The following CCDC85A variants were observed in gnomAD, a reference collection of about 807,000 sequenced individuals.
CCDC85A encodes coiled-coil domain containing 85A, also known as coiled-coil domain-containing protein 85A.
CCDC85A carries 38 observed loss-of-function variants against 50.2 expected under a neutral mutation model. The ratio of observed to expected loss-of-function variants is 0.76; its 90% confidence interval spans 0.58 to 0.99. The LOEUF (loss-of-function observed/expected upper bound fraction) is 0.99, where lower values mean the gene tolerates loss of function less well. CCDC85A is among the 50% of genes least tolerant of loss of function. The pLI is 0.00. For synonymous variants in CCDC85A, 366 were observed against 301.4 expected (o/e 1.21, Z -2.22); for missense variants, 820 against 742.0 (o/e 1.11, Z -1.22).
Position 56,342,930 on chromosome 2 carries a change from A to C in CCDC85A, c.1292A>C (p.Glu431Ala). 1.3e-6 allele frequency: 2 copies of C among 1,598,356 alleles called. No homozygotes were observed. The highest frequency in any genetic ancestry group is 1.7e-6 in the Non-Finnish European group (2 of 1,171,610). ...RQLEARVRQL[E>A]EENRMLPQAS... is the part of the protein sequence containing the mutation. The stretch of plus-strand genomic sequence containing the variant: ...CTGGAGGCAAGAGTAAGACAGCTGG[A>C]GGAAGAAAATCGCATGCTGCCCCAG... Residue 431 changes from glutamate (E) to alanine (A), a missense_variant, in exon 3 of 6, where the codon GAG (glutamate) becomes GCG (alanine). Transcript: ENST00000407595.
chr2:56,245,052 G>A (rs1669439496), intron 2 of CCDC85A, among the ~76,000 whole-genome samples: 1 of 152,172 alleles, frequency 6.6e-6, no homozygotes, highest in Non-Finnish European at 1.5e-5. Flanking sequence ...GGTGACAGAA[G>A]CACTCCCTTA....
chr2:56,324,478 C>G (rs1353507159), intron 2 of CCDC85A, among the ~76,000 whole-genome samples: 1 of 151,964 alleles, frequency 6.6e-6, no homozygotes, highest in East Asian at 1.9e-4. Context: ...TGGCCAGTCT[C>G]CCTCCACCTA....
At chr2:56,315,523 C>T (rs1181045929) in intron 2 of CCDC85A, among the ~76,000 whole-genome samples, 2 of 152,058 alleles carry the variant, frequency 1.3e-5, no homozygotes, top group East Asian at 3.9e-4. Context: ...CAACCAAATG[C>T]CCTCAAGTAA....
intron 2 of CCDC85A, among the ~76,000 whole-genome samples, chr2:56,195,231 T>G (rs959552037): frequency 1.3e-5 from 2 of 152,246 alleles, no homozygotes; most frequent in Admixed American, 1.3e-4. Context: ...TAAGAAAAGT[T>G]TTTAGATGCA....
chr2:56,323,853 A>T (rs1230889889), intron 2 of CCDC85A, among the ~76,000 whole-genome samples: 1 of 152,090 alleles, frequency 6.6e-6, no homozygotes, highest in Non-Finnish European at 1.5e-5. Flanking sequence ...CTTGATGATA[A>T]ATTGACTTCT....
At chr2:56,189,506 G>C (rs1315192069) in intron 1 of CCDC85A, among the ~76,000 whole-genome samples, 1 of 151,956 alleles carries the variant, frequency 6.6e-6, no homozygotes, top group African/African-American at 2.4e-5. Flanking sequence ...GGCCAGACTG[G>C]TCTTGAACTC....
chr2:56,306,047 G>C (rs1344800661), intron 2 of CCDC85A, among the ~76,000 whole-genome samples: 1 of 152,168 alleles, frequency 6.6e-6, no homozygotes, highest in Non-Finnish European at 1.5e-5. Flanking sequence ...ACTATGCTAA[G>C]TGTAATGGCT....
chr2:56,291,715 G>C (rs13384655), intron 2 of CCDC85A, among the ~76,000 whole-genome samples: 7 of 151,202 alleles, frequency 4.6e-5, no homozygotes. Flanking sequence ...GATAGAACAC[G>C]TAAGGCCCTG....
chr2:56,320,400 A>G (rs1193177150), intron 2 of CCDC85A, among the ~76,000 whole-genome samples: 1 of 152,180 alleles, frequency 6.6e-6, no homozygotes, highest in Admixed American at 6.5e-5. Flanking sequence ...TAGCAAGACT[A>G]ATAAAGAAGA....
At chr2:56,289,329 A>G (rs1671593399) in intron 2 of CCDC85A, among the ~76,000 whole-genome samples, 1 of 152,162 alleles carries the variant, frequency 6.6e-6, no homozygotes, top group Admixed American at 6.6e-5. Context: ...TGTCAAGAAA[A>G]TAGATCATCC....
intron 2 of CCDC85A, among the ~76,000 whole-genome samples, chr2:56,297,016 A>G (rs540905751): frequency 1.5e-4 from 23 of 152,156 alleles, no homozygotes; most frequent in Non-Finnish European, 2.8e-4. Context: ...TTTTTATTGT[A>G]TATCGGGGTT....
chr2:56,235,978 C>T (rs556609526), intron 2 of CCDC85A, among the ~76,000 whole-genome samples: 2 of 152,028 alleles, frequency 1.3e-5, no homozygotes, highest in South Asian at 4.1e-4. Flanking sequence ...AAGCCACCAA[C>T]TAGCAAGGGA....
At chr2:56,217,149 T>G (rs1300805610) in intron 2 of CCDC85A, among the ~76,000 whole-genome samples, 2 of 151,468 alleles carry the variant, frequency 1.3e-5, no homozygotes, top group South Asian at 4.1e-4. Flanking sequence ...AGGTTTAAGT[T>G]TTATCTATCT....
chr2:56,235,558 C>G (rs1668971536), intron 2 of CCDC85A, among the ~76,000 whole-genome samples: 1 of 151,954 alleles, frequency 6.6e-6, no homozygotes. Context: ...ATTTTCTTTT[C>G]AAACTTGGTG....
chr2:56,339,751 T>A (rs80237415), intron 2 of CCDC85A, among the ~76,000 whole-genome samples: 14,925 of 152,250 alleles, frequency 0.098, 943 homozygotes, highest in East Asian at 0.31. Flanking sequence ...GTGGTTTTTT[T>A]TTTCCAGAGG....
intron 2 of CCDC85A, among the ~76,000 whole-genome samples, chr2:56,313,171 G>A (rs943750831): frequency 2.6e-5 from 4 of 151,958 alleles, no homozygotes; most frequent in Non-Finnish European, 4.4e-5. Flanking sequence ...TCCAGTTGGC[G>A]ACTAGTCATG....
intron 3 of CCDC85A, among the ~76,000 whole-genome samples, chr2:56,356,171 G>A (rs1459775196): frequency 1.3e-5 from 2 of 152,186 alleles, no homozygotes; most frequent in Non-Finnish European, 2.9e-5. Context: ...AAATTGTGTG[G>A]GAATGATTGG....
At chr2:56,205,077 G>C (rs948673686) in intron 2 of CCDC85A, among the ~76,000 whole-genome samples, 1 of 152,122 alleles carries the variant, frequency 6.6e-6, no homozygotes, top group African/African-American at 2.4e-5. Flanking sequence ...CTCTTACATA[G>C]TTCTCCACGT....
At chr2:56,217,880 ATC>A (rs947465900) in intron 2 of CCDC85A, among the ~76,000 whole-genome samples, 59 of 151,854 alleles carry the variant, frequency 3.9e-4, no homozygotes, top group African/African-American at 1.4e-3. Context: ...AGTCATAATT[ATC>A]TCTTTCTTAA....
Sources: allele counts gnomAD v4.1 joint callset (sites outside exome capture counted in the v4.1 genomes callset), GRCh38; gene constraint gnomAD v4.1.1; transcripts MANE v1.5; gene names NCBI Gene and HGNC (gene_info 2026-07-23, HGNC 2026-07-21).